The following ZCCHC7 variants were observed in gnomAD, a reference collection of about 807,000 sequenced individuals.
ZCCHC7 encodes the protein zinc finger CCHC-type containing 7.
In ZCCHC7, 35 loss-of-function variants were observed where a neutral mutation model predicts 52.0. The ratio of observed to expected loss-of-function variants is 0.67; its 90% CI spans 0.51 to 0.89. ZCCHC7 has a LOEUF of 0.89. Ranked by LOEUF, ZCCHC7 falls within the 40% of genes least tolerant of loss-of-function variation. The pLI is 0.00. For missense variants in ZCCHC7, 574 were observed against 649.1 expected (o/e 0.88, Z 1.26); for synonymous variants, 217 against 221.5 (o/e 0.98, Z 0.18).
intron 2 of ZCCHC7, among the ~76,000 whole-genome samples, chr9:37,135,007 A>G (rs534233007): frequency 6.6e-6 from 1 of 152,258 alleles, no homozygotes; most frequent in East Asian, 1.9e-4. Flanking sequence ...GATTACAGGC[A>G]TGAGCCACCA....
chr9:37,293,696 A>G (rs530117146), intron 2 of ZCCHC7, among the ~76,000 whole-genome samples: 12 of 152,142 alleles, frequency 7.9e-5, no homozygotes, highest in African/African-American at 2.6e-4. Context: ...GTTTCTTAGT[A>G]TGATTTGAGG....
intron 2 of ZCCHC7, among the ~76,000 whole-genome samples, chr9:37,270,535 A>G (rs1458794759): frequency 6.6e-6 from 1 of 152,048 alleles, no homozygotes; most frequent in Non-Finnish European, 1.5e-5. Context: ...TACTAAAAAT[A>G]CAAAATTAGC....
chr9:37,122,741 C>G (rs1295045986), intron 1 of ZCCHC7, among the ~76,000 whole-genome samples: 1 of 152,198 alleles, frequency 6.6e-6, no homozygotes. Context: ...AGTTCGAGAC[C>G]AGCCTGGCCA....
At chr9:37,276,907 G>C (rs149763362) in intron 2 of ZCCHC7, among the ~76,000 whole-genome samples, 2 of 152,194 alleles carry the variant, frequency 1.3e-5, no homozygotes, top group East Asian at 3.9e-4. Flanking sequence ...TTTAAACCAA[G>C]AGTAGTTCTC....
intron 6 of ZCCHC7, 106 bp from the exon 7 acceptor site, chr9:37,349,251 C>CT (rs1821213251): frequency 3.6e-6 from 4 of 1,121,462 alleles, no homozygotes; most frequent in Non-Finnish European, 5.2e-6. Flanking sequence ...ATACAAAACT[C>CT]TAAGAAACTT....
At chr9:37,278,034 G>GTTTTGTTTTGTTT (rs1554723031) in intron 2 of ZCCHC7, among the ~76,000 whole-genome samples, 51 of 142,956 alleles carry the variant, frequency 3.6e-4, no homozygotes, top group African/African-American at 9.6e-4. Flanking sequence ...GTGTGTGTGT[G>GTTTTGTTTTGTTT]TGTTTTGTTT....
intron 2 of ZCCHC7, among the ~76,000 whole-genome samples, chr9:37,185,319 C>G (rs958139031): frequency 7.2e-6 from 1 of 139,224 alleles, no homozygotes; most frequent in African/African-American, 2.5e-5. Context: ...GGCAGTCTTC[C>G]TGGGTGTTCC....
intron 2 of ZCCHC7, among the ~76,000 whole-genome samples, chr9:37,203,895 A>G (rs1020152673): frequency 2.4e-4 from 36 of 152,186 alleles, no homozygotes; most frequent in African/African-American, 8.4e-4. Flanking sequence ...TGTCTTCAAC[A>G]ATGGTTGAAC....
intron 2 of ZCCHC7, among the ~76,000 whole-genome samples, chr9:37,292,198 CTCTT>C (rs2133636043): frequency 6.6e-6 from 1 of 152,244 alleles, no homozygotes; most frequent in Non-Finnish European, 1.5e-5. Context: ...TTTTCATTAT[CTCTT>C]TATTCTTCTA....
At chr9:37,203,182 T>C (rs1823723594) in intron 2 of ZCCHC7, among the ~76,000 whole-genome samples, 1 of 152,222 alleles carries the variant, frequency 6.6e-6, no homozygotes, top group South Asian at 2.1e-4. Context: ...CTTACTGAAC[T>C]TTACAGATTT....
intron 6 of ZCCHC7, among the ~76,000 whole-genome samples, chr9:37,335,358 C>G (rs1470757186): frequency 6.6e-6 from 1 of 151,892 alleles, no homozygotes; most frequent in African/African-American, 2.4e-5. Flanking sequence ...AAAAGAATGC[C>G]AGCTTTGGGA....
intron 8 of ZCCHC7, among the ~76,000 whole-genome samples, chr9:37,355,493 G>T (rs1821641266): frequency 1.3e-5 from 2 of 151,864 alleles, no homozygotes; most frequent in Non-Finnish European, 2.9e-5. Flanking sequence ...TACTCTTCTG[G>T]ATTCTTAGTT....
intron 2 of ZCCHC7, among the ~76,000 whole-genome samples, chr9:37,136,334 C>T (rs1436837478): frequency 6.6e-6 from 1 of 152,134 alleles, no homozygotes; most frequent in Non-Finnish European, 1.5e-5. Flanking sequence ...TGATAAAAGT[C>T]TTCATAGTTA....
intron 6 of ZCCHC7, among the ~76,000 whole-genome samples, chr9:37,347,566 T>C (rs1269779158): frequency 6.6e-6 from 1 of 152,146 alleles, no homozygotes; most frequent in African/African-American, 2.4e-5. Context: ...CATGTTGAAG[T>C]AACAGAAAAT....
At chr9:37,124,087 C>A (rs944516648) in intron 1 of ZCCHC7, among the ~76,000 whole-genome samples, 2 of 152,146 alleles carry the variant, frequency 1.3e-5, no homozygotes, top group African/African-American at 4.8e-5. Flanking sequence ...CACCACAACA[C>A]CCTGGTATTT....
intron 2 of ZCCHC7, among the ~76,000 whole-genome samples, chr9:37,274,814 G>A (rs1276807359): frequency 6.6e-6 from 1 of 151,708 alleles, no homozygotes; most frequent in African/African-American, 2.4e-5. Flanking sequence ...CCATATTTAG[G>A]AATGTAATCT....
chr9:37,122,765 C>T (rs995550232), intron 1 of ZCCHC7, among the ~76,000 whole-genome samples: 1 of 152,154 alleles, frequency 6.6e-6, no homozygotes, highest in Non-Finnish European at 1.5e-5. Flanking sequence ...TGGTGAAACC[C>T]GTCTCTGCTA....
rs200790947 is a variant in ZCCHC7 at position 37,349,407 on chromosome 9, C to T, written c.1038C>T (p.Ala346=). The T allele has an allele frequency of 1.1e-4, 170 of 1,614,024 alleles. No individual in the cohort carries two copies. Among genetic ancestry groups the T allele is most frequent in the Non-Finnish European group, 6.4e-5 (76 of 1,180,008 alleles). Reference sequence around the variant, plus strand: ...CGAAGACCCCTTCAAGACCATCAGCCTTAGCATATTGCTATCACTGCGCGC... The same window carrying T: ...CGAAGACCCCTTCAAGACCATCAGCTTTAGCATATTGCTATCACTGCGCGC... The part of the protein sequence containing the change: ...KKPKTPSRPS[A]LAYCYHCAQK... Residue 346 remains alanine (A), a synonymous_variant, in exon 7 of 9, where the codon GCC becomes GCT. Coordinates refer to ENST00000336755, the MANE Select transcript of ZCCHC7 (RefSeq NM_032226.3).
At chr9:37,216,025 C>G (rs1824483665) in intron 2 of ZCCHC7, among the ~76,000 whole-genome samples, 2 of 152,088 alleles carry the variant, frequency 1.3e-5, no homozygotes, top group South Asian at 4.2e-4. Flanking sequence ...AGCAATAATC[C>G]TTTTGCTACA....
Sources: allele counts gnomAD v4.1 joint callset (sites outside exome capture counted in the v4.1 genomes callset), GRCh38; gene constraint gnomAD v4.1.1; transcripts MANE v1.5; gene names NCBI Gene and HGNC (gene_info 2026-07-23, HGNC 2026-07-21).